LSAMP: variants seen among roughly 807,000 people sequenced by gnomAD.
LSAMP encodes limbic system associated membrane protein, also known as limbic system-associated membrane protein.
Under a neutral mutation model 38.6 loss-of-function variants are expected in LSAMP, and 7 were observed. That is an observed-to-expected ratio of 0.18 (90% CI 0.10 to 0.34). The LOEUF (loss-of-function observed/expected upper bound fraction) is 0.34. Among genes scored for constraint, LSAMP ranks in the 10% least tolerant of loss-of-function variants. The pLI is 1.00. For missense variants in LSAMP, 313 were observed against 420.0 expected (o/e 0.75, Z 2.23); for synonymous variants, 154 against 166.8 (o/e 0.92, Z 0.59).
At chr3:115,842,323 G>T in intron 5 of LSAMP, 135 bp downstream of exon 5, 1 of 1,215,406 alleles carries the variant, frequency 8.2e-7, no homozygotes, top group Non-Finnish European at 1.1e-6. Context: ...TTTGATAAGA[G>T]ATACTAAAAA....
chr3:115,847,887 T>A (rs1482818798), intron 4 of LSAMP, among the ~76,000 whole-genome samples: 2 of 152,210 alleles, frequency 1.3e-5, no homozygotes, highest in Admixed American at 1.3e-4. Flanking sequence ...ACTGTTGGTG[T>A]GATGATTACA....
intron 3 of LSAMP, among the ~76,000 whole-genome samples, chr3:115,976,274 A>T (rs1939186116): frequency 6.6e-6 from 1 of 152,220 alleles, no homozygotes; most frequent in South Asian, 2.1e-4. Context: ...TTTTCCAGAA[A>T]ATAAACAATC....
In LSAMP at chr3:116,427,336, G is replaced by T. The variant is rs533239934; in HGVS notation, c.155+17541C>A. Among the ~76,000 whole-genome samples, 106 of 151,598 alleles carry T rather than the reference G, an allele frequency of 7.0e-4. 2 individuals are homozygous for T. Among genetic ancestry groups the T allele is most frequent in the Admixed American group, 3.3e-4 (5 of 15,216 alleles). On this transcript the variant is annotated intron_variant, in intron 1 of 6. Transcript: ENST00000490035. The stretch of plus-strand genomic sequence containing the variant: ...GGGGTTTCACCTTGTTAGCCAGGAT[G>T]GTCTCGATCTCCTGACCTCATGATC...
intron 3 of LSAMP, among the ~76,000 whole-genome samples, chr3:115,885,644 G>T (rs1576184474): frequency 6.9e-6 from 1 of 145,630 alleles, no homozygotes. Context: ...GGGGTGGGTG[G>T]GGGGACAAGT....
chr3:116,241,001 C>A lies in LSAMP; in HGVS notation c.156-154445G>T, dbSNP rs561601146. On this transcript the variant is annotated intron_variant, in intron 1 of 6. Coordinates refer to ENST00000490035, the MANE Select transcript of LSAMP (RefSeq NM_002338.5). ...GACTAGCCTGACCAACATGGAGAAA[C>A]CCCATCTCTACTAAAAATACAAACA... Among the ~76,000 whole-genome samples, 45 of 151,980 alleles carry A rather than the reference C, an allele frequency of 3.0e-4. 1 individual carries two copies. The South Asian group carries it at 8.3e-3, about 28-fold the overall frequency.
At chr3:116,180,515 A>G (rs1710460748) in intron 1 of LSAMP, among the ~76,000 whole-genome samples, 1 of 152,102 alleles carries the variant, frequency 6.6e-6, no homozygotes, top group Non-Finnish European at 1.5e-5. Flanking sequence ...AGGTGGTGTG[A>G]TTTGAAACGA....
rs1937246777 is a variant in LSAMP, at chr3:115,916,153, G to A, written c.515-63536C>T. On this transcript the variant is annotated intron_variant, in intron 3 of 6. Transcript: ENST00000490035. ...GAGATAAATGCAAGCAGACAAAGAA[G>A]GCCACAGAGAGTGCTTGGCCCCACC... Among the ~76,000 whole-genome samples the A allele has an allele frequency of 2.6e-5, 4 of 152,040 alleles. No homozygotes were observed. The South Asian group carries it at 8.3e-4, about 31-fold the overall frequency.
chr3:116,347,333 G>A (rs1469751661), intron 1 of LSAMP, among the ~76,000 whole-genome samples: 1 of 152,098 alleles, frequency 6.6e-6, no homozygotes, highest in Admixed American at 6.6e-5. Flanking sequence ...CGGTTAGTAG[G>A]TCAGTCAAAT....
intron 3 of LSAMP, among the ~76,000 whole-genome samples, chr3:115,882,955 G>C (rs1274961489): frequency 6.6e-6 from 1 of 151,906 alleles, no homozygotes; most frequent in South Asian, 2.1e-4. Flanking sequence ...CTATCTGGAC[G>C]ATAGTTAACT....
chr3:116,057,969 A>ACACACACACACACC (rs1553699991), intron 2 of LSAMP, among the ~76,000 whole-genome samples: 1 of 145,378 alleles, frequency 6.9e-6, no homozygotes, highest in African/African-American at 2.5e-5. Context: ...ACACACACAC[A>ACACACACACACACC]CACACACACA....
At chr3:115,947,775 T>C (rs1938150476) in intron 3 of LSAMP, among the ~76,000 whole-genome samples, 1 of 152,178 alleles carries the variant, frequency 6.6e-6, no homozygotes, top group African/African-American at 2.4e-5. Flanking sequence ...CATGAGCTGA[T>C]GAAAGAGTAA....
intron 1 of LSAMP, among the ~76,000 whole-genome samples, chr3:116,232,964 C>A (rs1031936376): frequency 5.9e-5 from 9 of 151,954 alleles, no homozygotes; most frequent in Non-Finnish European, 1.3e-4. Flanking sequence ...TACCCCCCAA[C>A]CCCAACCAGC....
intron 6 of LSAMP, among the ~76,000 whole-genome samples, chr3:115,829,371 T>C (rs1336171868): frequency 6.6e-6 from 1 of 152,172 alleles, no homozygotes; most frequent in African/African-American, 2.4e-5. Context: ...ATTGTTCCCA[T>C]AAACGAGCCA....
At chr3:116,300,340 C>A (rs527516304) in intron 1 of LSAMP, among the ~76,000 whole-genome samples, 2 of 152,308 alleles carry the variant, frequency 1.3e-5, no homozygotes, top group South Asian at 4.1e-4. Flanking sequence ...AACCTGAATA[C>A]ACAGAACACG....
chr3:115,834,494 G>A (rs1041403015), intron 6 of LSAMP: 6 of 1,090,642 alleles, frequency 5.5e-6, no homozygotes, highest in Non-Finnish European at 6.2e-6. Flanking sequence ...CCCTTTGTGT[G>A]TTTTGCATGT....
chr3:116,286,770 T>C (rs1049383779), intron 1 of LSAMP, among the ~76,000 whole-genome samples: 2 of 152,104 alleles, frequency 1.3e-5, no homozygotes, highest in African/African-American at 4.8e-5. Context: ...TTATAAAAAA[T>C]TATGTTTGGC....
intron 1 of LSAMP, among the ~76,000 whole-genome samples, chr3:116,312,936 C>T (rs2047577205): frequency 6.6e-6 from 1 of 150,420 alleles, no homozygotes; most frequent in Non-Finnish European, 1.5e-5. Flanking sequence ...TGCTCTCCAA[C>T]AAAATTTTTA....
At chr3:116,137,849 G>A (rs892162508) in intron 1 of LSAMP, among the ~76,000 whole-genome samples, 1 of 152,168 alleles carries the variant, frequency 6.6e-6, no homozygotes, top group Non-Finnish European at 1.5e-5. Flanking sequence ...AGGGGAGGGT[G>A]TGTTTTTGTT....
chr3:115,928,194 C>A (rs1182660974), intron 3 of LSAMP, among the ~76,000 whole-genome samples: 1 of 152,094 alleles, frequency 6.6e-6, no homozygotes, highest in Non-Finnish European at 1.5e-5. Context: ...AATGAAAAAA[C>A]CTGGGAATCT....
Sources: gnomAD v4.1 joint callset for allele counts (sites outside exome capture counted in the v4.1 genomes callset) on GRCh38, gnomAD v4.1.1 for gene constraint, MANE v1.5 for transcripts, NCBI Gene and HGNC (gene_info 2026-07-23, HGNC 2026-07-21) for gene names.